Variants in RBFOX3 observed in about 807,000 individuals in gnomAD.
RBFOX3 encodes RNA binding protein fox-1 homolog 3.
RBFOX3 carries 17 observed loss-of-function variants against 48.7 expected under a neutral mutation model. The ratio of observed to expected loss-of-function variants is 0.35; its 90% CI spans 0.24 to 0.52. The LOEUF is 0.52. Among genes scored for constraint, RBFOX3 ranks in the 20% least tolerant of loss-of-function variants. The pLI is 0.94. For missense variants in RBFOX3, 382 were observed against 497.5 expected (o/e 0.77, Z 2.21); for synonymous variants, 212 against 209.5 (o/e 1.01, Z -0.10).
intron 2 of RBFOX3, among the ~76,000 whole-genome samples, chr17:79,351,605 C>T (rs1342701071): frequency 6.6e-6 from 1 of 152,136 alleles, no homozygotes; most frequent in African/African-American, 2.4e-5. Flanking sequence ...AGCATCTTCT[C>T]ATGTGCCTGT....
chr17:79,375,996 T>A (rs973662038), intron 2 of RBFOX3, among the ~76,000 whole-genome samples: 7 of 152,208 alleles, frequency 4.6e-5, no homozygotes, highest in African/African-American at 1.7e-4. Flanking sequence ...GTTTGTAGAA[T>A]ATGAAGATCC....
At chr17:79,257,154 C>T (rs2065011883) in intron 3 of RBFOX3, among the ~76,000 whole-genome samples, 1 of 152,068 alleles carries the variant, frequency 6.6e-6, no homozygotes, top group Non-Finnish European at 1.5e-5. Flanking sequence ...GCAGCACACA[C>T]TACAATCAAT....
rs542199002 is a variant in RBFOX3, at chr17:79,317,207, C to T, written c.-174-9383G>A. On this transcript the variant is annotated intron_variant, in intron 2 of 14. Transcript: ENST00000693108. ...AAGGCCACACAGTCAGCATATGGCC[C>T]GGCTGAAATTGCAGACCCAGTTCAT... Among the ~76,000 whole-genome samples, 25 of 152,298 alleles carry T rather than the reference C, an allele frequency of 1.6e-4. No individual in the cohort carries two copies. The South Asian group carries it at 4.6e-3, about 28-fold the overall frequency.
rs10577875 is a variant in RBFOX3, at chr17:79,245,629, ATTT to A, written c.-73-9827_-73-9825del. Among the ~76,000 whole-genome samples, 572 of 130,258 alleles carry A rather than the reference ATTT, an allele frequency of 4.4e-3. 3 individuals are homozygous for A. The highest frequency in any genetic ancestry group is 0.03 in the East Asian group (136 of 4,494). 85.5% of individuals were successfully genotyped at this position (130,258 alleles called of 152,430 possible). On this transcript the variant is annotated intron_variant, in intron 3 of 14. Coordinates refer to ENST00000693108, the MANE Select transcript of RBFOX3 (RefSeq NM_001350451.2). ...CATTCGTCTGTAGGTGAACATTTGG[ATTT>A]TTTTTTTTTTTTTTTTGAGACACCT...
chr17:79,585,152 G>A (rs2093206634), intron 1 of RBFOX3, among the ~76,000 whole-genome samples: 1 of 152,186 alleles, frequency 6.6e-6, no homozygotes, highest in South Asian at 2.1e-4. Flanking sequence ...GTCCACTGCT[G>A]GGAGGATGGG....
At chr17:79,632,908 C>T in the RBFOX3 span, among the ~76,000 whole-genome samples, 1 of 152,152 alleles carries the variant, frequency 6.6e-6, no homozygotes, top group African/African-American at 2.4e-5. Flanking sequence ...GAGCAAGACC[C>T]TGCCTTGAAA....
rs537332058 is a variant in RBFOX3, at chr17:79,372,683, C to T, written c.-174-64859G>A. Among the ~76,000 whole-genome samples, 4 of 152,298 alleles carry T rather than the reference C, an allele frequency of 2.6e-5. No individual in the cohort carries two copies. The East Asian group carries it at 7.8e-4, about 30-fold the overall frequency. On this transcript the variant is annotated intron_variant, in intron 2 of 14. Coordinates refer to ENST00000693108, the MANE Select transcript of RBFOX3 (RefSeq NM_001350451.2). Reference sequence around the variant, plus strand: ...TTCCTCCCCACCCACAGGGGCAGGGCAGGGACAGACGTGTGAGACACACCT... The same window carrying T: ...TTCCTCCCCACCCACAGGGGCAGGGTAGGGACAGACGTGTGAGACACACCT...
chr17:79,483,264 C>T (rs1251879345), intron 1 of RBFOX3, among the ~76,000 whole-genome samples: 1 of 151,866 alleles, frequency 6.6e-6, no homozygotes, highest in Admixed American at 6.6e-5. Context: ...ACCCCCTTTG[C>T]CTTTGGGGCT....
chr17:79,432,771 C>T (rs1185783539), intron 2 of RBFOX3, among the ~76,000 whole-genome samples: 1 of 151,652 alleles, frequency 6.6e-6, no homozygotes, highest in African/African-American at 2.4e-5. Context: ...AAGGAGACAA[C>T]GTAATTGGAA....
At chr17:79,154,046 T>C (rs1435093125) in intron 4 of RBFOX3, among the ~76,000 whole-genome samples, 1 of 152,152 alleles carries the variant, frequency 6.6e-6, no homozygotes, top group Non-Finnish European at 1.5e-5. Flanking sequence ...AAACCTCTAA[T>C]GATTTCCCTT....
At chr17:79,558,135 G>A (rs1005514402) in intron 1 of RBFOX3, among the ~76,000 whole-genome samples, 4 of 152,278 alleles carry the variant, frequency 2.6e-5, no homozygotes, top group East Asian at 1.9e-4. Context: ...GATGTCACAC[G>A]GGGAGGGTGA....
chr17:79,091,872 A>G, intron 14 of RBFOX3: 1 of 757,536 alleles, frequency 1.3e-6, no homozygotes, highest in South Asian at 5.9e-5. Flanking sequence ...AGCAGTGCTA[A>G]GGAGTCGCAG....
intron 2 of RBFOX3, among the ~76,000 whole-genome samples, chr17:79,330,149 G>A (rs1054320189): frequency 3.3e-5 from 5 of 152,176 alleles, no homozygotes; most frequent in African/African-American, 7.2e-5. Flanking sequence ...GTGTACCTGC[G>A]TGTCTTCACT....
intron 3 of RBFOX3, among the ~76,000 whole-genome samples, chr17:79,246,089 CT>C (rs1377469663): frequency 6.6e-6 from 1 of 152,224 alleles, no homozygotes; most frequent in African/African-American, 2.4e-5. Flanking sequence ...CCTGCCCTCT[CT>C]GTCTTCCATT....
intron 1 of RBFOX3, among the ~76,000 whole-genome samples, chr17:79,488,268 C>T (rs2079955067): frequency 6.6e-6 from 1 of 152,196 alleles, no homozygotes; most frequent in Admixed American, 6.5e-5. Flanking sequence ...CATCTGAGGA[C>T]ATGGCTTCAT....
intron 1 of RBFOX3, among the ~76,000 whole-genome samples, chr17:79,592,252 T>C (rs1666975812): frequency 7.5e-6 from 1 of 132,624 alleles, no homozygotes; most frequent in Non-Finnish European, 1.6e-5. Context: ...TGTGGATGCA[T>C]ATATGCATGT....
the RBFOX3 span, among the ~76,000 whole-genome samples, chr17:79,636,404 C>T: frequency 6.6e-6 from 1 of 152,010 alleles, no homozygotes; most frequent in Non-Finnish European, 1.5e-5. Flanking sequence ...ACCAGGGAGA[C>T]TTTAGTTTTC....
chr17:79,482,151 A>C lies in RBFOX3; in HGVS notation c.-175+303T>G, dbSNP rs1442906113. ...TATGGCATCTTTGTTGACACCAGACAGTGGACCCCACACCCCGCCCACCCT... is the reference window on the plus strand; with the variant it reads ...TATGGCATCTTTGTTGACACCAGACCGTGGACCCCACACCCCGCCCACCCT... On this transcript the variant is annotated intron_variant, in intron 2 of 14. Transcript: ENST00000693108. This position sits in a 1 kb window ranked among gnomAD's most constrained non-coding sequence, Gnocchi z 4.1. 1.3e-5 allele frequency among the ~76,000 whole-genome samples: 2 copies of C among 152,120 alleles called. No homozygotes were observed. The highest frequency in any genetic ancestry group is 2.9e-5 in the Non-Finnish European group (2 of 68,014).
intron 1 of RBFOX3, among the ~76,000 whole-genome samples, chr17:79,559,160 C>T (rs942815860): frequency 3.9e-5 from 6 of 152,042 alleles, no homozygotes; most frequent in Admixed American, 3.9e-4. Context: ...ATGGGAGGGG[C>T]GGGGGTTGTC....
Sources: gnomAD v4.1 joint callset for allele counts (sites outside exome capture counted in the v4.1 genomes callset) on GRCh38, gnomAD v4.1.1 for gene constraint, Gnocchi (gnomAD v3.1) non-coding constraint, MANE v1.5 for transcripts, NCBI Gene and HGNC (gene_info 2026-07-23, HGNC 2026-07-21) for gene names.